Variants in SLC35F1 observed in about 807,000 individuals in gnomAD.
SLC35F1 encodes solute carrier family 35 member F1.
Under a neutral mutation model 48.7 loss-of-function variants are expected in SLC35F1, and 14 were observed. The ratio of observed to expected loss-of-function variants is 0.29; its 90% CI spans 0.19 to 0.45. The LOEUF is 0.45. Among genes scored for constraint, SLC35F1 ranks in the 20% least tolerant of loss-of-function variants. SLC35F1 has a pLI of 1.00. For synonymous variants in SLC35F1, 190 were observed against 202.2 expected, an observed-to-expected ratio of 0.94 and a Z score of 0.51; for missense variants, 404 against 500.0, an observed-to-expected ratio of 0.81 and a Z score of 1.83.
chr6:118,218,540 A>G (rs1234630294), intron 2 of SLC35F1, among the ~76,000 whole-genome samples: 6 of 152,188 alleles, frequency 3.9e-5, no homozygotes. Context: ...CCAGATTTAC[A>G]TTAGGAATCC....
At chr6:118,209,309 G>T (rs1774974681) in intron 2 of SLC35F1, among the ~76,000 whole-genome samples, 1 of 152,164 alleles carries the variant, frequency 6.6e-6, no homozygotes, top group Non-Finnish European at 1.5e-5. Context: ...CTGTCTTTTG[G>T]TATAGGAGTG....
intron 1 of SLC35F1, among the ~76,000 whole-genome samples, chr6:118,022,985 C>T (rs1193135941): frequency 6.6e-6 from 1 of 152,066 alleles, no homozygotes; most frequent in African/African-American, 2.4e-5. Flanking sequence ...GTCTCGATCT[C>T]CTGATCTCAT....
chr6:118,283,227 C>T (rs954290421), intron 6 of SLC35F1, among the ~76,000 whole-genome samples: 2 of 152,200 alleles, frequency 1.3e-5, no homozygotes, highest in African/African-American at 4.8e-5. Context: ...TGGCTCCTCT[C>T]CTGGCAATCT....
At chr6:118,187,262 C>A (rs991346432) in intron 2 of SLC35F1, among the ~76,000 whole-genome samples, 1 of 152,222 alleles carries the variant, frequency 6.6e-6, no homozygotes, top group Non-Finnish European at 1.5e-5. Flanking sequence ...GGAGCACTCA[C>A]ATTTTGAGAG....
intron 1 of SLC35F1, among the ~76,000 whole-genome samples, chr6:118,148,471 C>A (rs564483872): frequency 3.3e-5 from 5 of 151,760 alleles, no homozygotes; most frequent in African/African-American, 1.2e-4. Context: ...GAACGAAGTG[C>A]CGGTGGTAAT....
intron 1 of SLC35F1, among the ~76,000 whole-genome samples, chr6:117,965,340 A>G (rs1019264623): frequency 6.6e-6 from 1 of 152,182 alleles, no homozygotes; most frequent in African/African-American, 2.4e-5. Context: ...CTTGCCCTCA[A>G]CCAAGTGGTA....
At chr6:118,057,986 C>T (rs1349669311) in intron 1 of SLC35F1, among the ~76,000 whole-genome samples, 1 of 151,998 alleles carries the variant, frequency 6.6e-6, no homozygotes, top group African/African-American at 2.4e-5. Flanking sequence ...ATATTCCTTC[C>T]TTTGAGGGGC....
chr6:118,210,389 C>T (rs1774987128), intron 2 of SLC35F1, among the ~76,000 whole-genome samples: 1 of 152,066 alleles, frequency 6.6e-6, no homozygotes, highest in Admixed American at 6.5e-5. Context: ...GATTGGGACT[C>T]TTGTGAGGTC....
At chr6:118,239,087 G>A (rs1775403888) in intron 3 of SLC35F1, among the ~76,000 whole-genome samples, 1 of 151,382 alleles carries the variant, frequency 6.6e-6, no homozygotes, top group Admixed American at 6.6e-5. Context: ...CGTCTCCCGA[G>A]GTGCTTTGCT....
At position 118,317,467 on chromosome 6, in the gene SLC35F1, G is replaced by A. The variant is rs181972459; in HGVS notation, c.*3215G>A. The A allele has an allele frequency of 3.3e-5, 5 of 152,062 alleles. No homozygotes were observed. The East Asian group carries it at 5.8e-4, about 18-fold the overall frequency. 9.4% of individuals were successfully genotyped at this position (152,062 alleles called of 1,614,324 possible). A position where few individuals can be genotyped will look rare whatever the true frequency, so the allele number is the denominator to read the frequency against. On this transcript the variant is annotated 3_prime_UTR_variant, in exon 8 of 8. Coordinates refer to ENST00000360388, the MANE Select transcript of SLC35F1 (RefSeq NM_001029858.4). The stretch of plus-strand genomic sequence containing the variant: ...CTACCAGTACAGATTTTACCCCATG[G>A]GTAGGATTCTATTGTTAAGCCACAT...
At chr6:118,109,685 A>G (rs1773372524) in intron 1 of SLC35F1, among the ~76,000 whole-genome samples, 1 of 152,166 alleles carries the variant, frequency 6.6e-6, no homozygotes. Context: ...GGAACCTGAA[A>G]AAAACATTAA....
intron 1 of SLC35F1, among the ~76,000 whole-genome samples, chr6:118,081,906 C>T (rs1412936333): frequency 6.6e-6 from 1 of 152,146 alleles, no homozygotes; most frequent in Admixed American, 6.5e-5. Flanking sequence ...GTAGTTCTCA[C>T]ACCTGAATGG....
intron 1 of SLC35F1, among the ~76,000 whole-genome samples, chr6:117,988,616 T>G (rs1276555224): frequency 6.6e-6 from 1 of 152,232 alleles, no homozygotes; most frequent in Non-Finnish European, 1.5e-5. Context: ...TGTACCAATG[T>G]TATTAATATT....
intron 1 of SLC35F1, among the ~76,000 whole-genome samples, chr6:117,986,582 T>A (rs1385988867): frequency 6.6e-6 from 1 of 152,202 alleles, no homozygotes; most frequent in Non-Finnish European, 1.5e-5. Flanking sequence ...CAAGCCCTGT[T>A]CCGGATCACC....
rs1582736773 is a variant in SLC35F1 at position 118,220,859 on chromosome 6, G to A, written c.350-14650G>A. Among the ~76,000 whole-genome samples, 4 of 152,144 alleles carry A rather than the reference G, an allele frequency of 2.6e-5. No homozygotes were observed. The South Asian group carries it at 8.3e-4, about 32-fold the overall frequency. Reference sequence around the variant, plus strand: ...GTTATCTTCATTCCAAAGAAGCTTGGCATTGTCGAATGCCTTCTTTGAGGC... The same window carrying A: ...GTTATCTTCATTCCAAAGAAGCTTGACATTGTCGAATGCCTTCTTTGAGGC... On this transcript the variant is annotated intron_variant, in intron 2 of 7. Coordinates refer to ENST00000360388, the MANE Select transcript of SLC35F1 (RefSeq NM_001029858.4).
In SLC35F1 at chr6:118,068,057, T is replaced by A. The variant is rs1772642597; in HGVS notation, c.174-86388T>A. 2.6e-5 allele frequency among the ~76,000 whole-genome samples: 4 copies of A among 152,192 alleles called. No homozygotes were observed. In the South Asian group the frequency reaches 8.3e-4, roughly 32 times the overall value. ...AGGCCAGAAAACCTAGAGTCCTGAT[T>A]TCTGAGGGGAGGAGAAGAAGGTTCT... On this transcript the variant is annotated intron_variant, in intron 1 of 7. Coordinates refer to ENST00000360388, the MANE Select transcript of SLC35F1 (RefSeq NM_001029858.4).
chr6:118,295,176 A>G (rs1462406122), intron 7 of SLC35F1, among the ~76,000 whole-genome samples: 1 of 152,104 alleles, frequency 6.6e-6, no homozygotes, highest in Admixed American at 6.6e-5. Context: ...GGTTGTTATA[A>G]GAGATTTGGC....
At chr6:117,920,155 G>C (rs1775878826) in intron 1 of SLC35F1, among the ~76,000 whole-genome samples, 1 of 152,228 alleles carries the variant, frequency 6.6e-6, no homozygotes, top group South Asian at 2.1e-4. Flanking sequence ...TGCGCTCTTA[G>C]AGAGGGGCCC....
At position 118,064,292 on chromosome 6, in the gene SLC35F1, T is replaced by C. The variant is rs552438417; in HGVS notation, c.174-90153T>C. On this transcript the variant is annotated intron_variant, in intron 1 of 7. Coordinates refer to ENST00000360388, the MANE Select transcript of SLC35F1 (RefSeq NM_001029858.4). ...ATGGAAATTCAAGATGAGATTTGGG[T>C]GGGGACACAGCCAAACTGTATGACA... 3.3e-5 allele frequency among the ~76,000 whole-genome samples: 5 copies of C among 152,248 alleles called. No homozygotes were observed. The East Asian group carries it at 7.7e-4, about 24-fold the overall frequency.
Sources: allele counts gnomAD v4.1 joint callset (sites outside exome capture counted in the v4.1 genomes callset), GRCh38; gene constraint gnomAD v4.1.1; transcripts MANE v1.5; gene names NCBI Gene and HGNC (gene_info 2026-07-23, HGNC 2026-07-21).